The following ADK variants were observed in gnomAD, a reference collection of about 807,000 sequenced individuals.
ADK encodes the protein N6,N6-dimethyladenosine kinase.
A neutral mutation model predicts 44.7 loss-of-function variants in ADK; 24 were observed. The ratio of observed to expected loss-of-function variants is 0.54; its 90% CI spans 0.39 to 0.76. The LOEUF (loss-of-function observed/expected upper bound fraction) is 0.76, where lower values mean the gene tolerates loss of function less well. Among genes scored for constraint, ADK ranks in the 30% least tolerant of loss-of-function variants. The pLI is 0.00. For missense variants in ADK, 321 were observed against 425.1 expected, an observed-to-expected ratio of 0.76 and a Z score of 2.15; for synonymous variants, 128 against 142.6, an observed-to-expected ratio of 0.90 and a Z score of 0.73.
intron 7 of ADK, among the ~76,000 whole-genome samples, chr10:74,559,794 T>G (rs1389244895): frequency 1.3e-5 from 2 of 152,114 alleles, no homozygotes; most frequent in African/African-American, 2.4e-5. Context: ...TCTTAACTCC[T>G]TGTTTGCCTA....
intron 7 of ADK, among the ~76,000 whole-genome samples, chr10:74,552,518 G>A (rs777574249): frequency 1.8e-4 from 28 of 151,962 alleles, no homozygotes; most frequent in Non-Finnish European, 1.0e-4. Context: ...AAACTGGATT[G>A]TGGTGATGTT....
intron 2 of ADK, among the ~76,000 whole-genome samples, chr10:74,216,351 T>A (rs1039870114): frequency 3.9e-5 from 6 of 152,158 alleles, no homozygotes; most frequent in Admixed American, 2.0e-4. Context: ...TATTTTTTAT[T>A]TATTAAAAAA....
intron 9 of ADK, among the ~76,000 whole-genome samples, chr10:74,614,746 T>C (rs1852684886): frequency 6.6e-6 from 1 of 151,218 alleles, no homozygotes; most frequent in Non-Finnish European, 1.5e-5. Flanking sequence ...ACTTCAGTCC[T>C]ATAATCAACT....
At chr10:74,634,593 A>G (rs919159340) in intron 9 of ADK, among the ~76,000 whole-genome samples, 5 of 152,176 alleles carry the variant, frequency 3.3e-5, no homozygotes, top group African/African-American at 1.2e-4. Flanking sequence ...TATGACAAGG[A>G]GCAAACTTGA....
intron 6 of ADK, among the ~76,000 whole-genome samples, chr10:74,406,520 TAATAATAAGAAGAAGAAGAAG>T (rs1331376923): frequency 5.2e-4 from 30 of 57,648 alleles, no homozygotes; most frequent in African/African-American, 1.3e-3. Context: ...ATAATAATAA[TAATAATAAGAAGAAGAAGAAG>T]AAGAAGAAGA....
chr10:74,283,355 T>C (rs1487405061), intron 3 of ADK, among the ~76,000 whole-genome samples: 1 of 151,850 alleles, frequency 6.6e-6, no homozygotes, highest in Non-Finnish European at 1.5e-5. Context: ...AGTTTGACTT[T>C]ACTCTCTATA....
chr10:74,379,382 G>T (rs933241832), intron 4 of ADK, among the ~76,000 whole-genome samples: 1 of 152,152 alleles, frequency 6.6e-6, no homozygotes, highest in East Asian at 1.9e-4. Context: ...CACTGGTCTT[G>T]TTGCCTCTCC....
intron 6 of ADK, among the ~76,000 whole-genome samples, chr10:74,470,344 A>T (rs1397560248): frequency 6.6e-6 from 1 of 151,920 alleles, no homozygotes; most frequent in Non-Finnish European, 1.5e-5. Flanking sequence ...TTATACATTC[A>T]TCTGCTGATG....
In ADK at chr10:74,382,740, A is replaced by G. The variant is rs140561877; in HGVS notation, c.274-11401A>G. On this transcript the variant is annotated intron_variant, in intron 4 of 10. Transcript: ENST00000539909. ...TTAAATGAGTTTCTTGTTTAATTTG[A>G]TGAATTTGACTCAGTTCTGTAACCT... is the stretch of plus-strand genomic sequence containing the variant. Among the ~76,000 whole-genome samples the G allele has an allele frequency of 1.7e-4, 26 of 152,218 alleles. 1 individual carries two copies. In the East Asian group the frequency reaches 5.0e-3, roughly 29 times the overall value.
intron 4 of ADK, among the ~76,000 whole-genome samples, chr10:74,362,603 A>G (rs1448555878): frequency 2.6e-5 from 4 of 152,094 alleles, no homozygotes; most frequent in Non-Finnish European, 4.4e-5. Flanking sequence ...AATGTTCTCA[A>G]TGCTTTAGAA....
chr10:74,245,308 C>A (rs1845375781), intron 3 of ADK, among the ~76,000 whole-genome samples: 2 of 151,988 alleles, frequency 1.3e-5, no homozygotes, highest in South Asian at 4.1e-4. Context: ...TTAACATAAT[C>A]CTCATACATA....
intron 6 of ADK, among the ~76,000 whole-genome samples, chr10:74,504,766 A>C (rs1449631975): frequency 6.6e-6 from 1 of 152,004 alleles, no homozygotes; most frequent in Non-Finnish European, 1.5e-5. Flanking sequence ...TGTTAGTTTT[A>C]TAAGTGTTTG....
chr10:74,374,219 A>T (rs1209223891), intron 4 of ADK, among the ~76,000 whole-genome samples: 22 of 152,176 alleles, frequency 1.4e-4, no homozygotes, highest in Admixed American at 1.4e-3. Context: ...GGTGATGCCT[A>T]TACAACTCCA....
At chr10:74,528,009 A>G (rs544211370) in intron 7 of ADK, 4 of 828,322 alleles carry the variant, frequency 4.8e-6, no homozygotes, top group South Asian at 4.1e-5. Flanking sequence ...GAAAAAAGCG[A>G]TTGAGGGAAT....
intron 6 of ADK, among the ~76,000 whole-genome samples, chr10:74,453,924 A>T (rs1013586773): frequency 6.6e-6 from 1 of 152,168 alleles, no homozygotes; most frequent in Non-Finnish European, 1.5e-5. Context: ...CAAAAAGCAC[A>T]TAGTGTAAAC....
chr10:74,518,381 A>G (rs1848679627), intron 6 of ADK, among the ~76,000 whole-genome samples: 1 of 152,070 alleles, frequency 6.6e-6, no homozygotes, highest in Non-Finnish European at 1.5e-5. Context: ...TTTTTCTTCT[A>G]TAAATAGTGG....
chr10:74,210,761 G>A (rs1459621797), intron 2 of ADK, among the ~76,000 whole-genome samples: 1 of 151,406 alleles, frequency 6.6e-6, no homozygotes, highest in Non-Finnish European at 1.5e-5. Context: ...ACAAATGGGT[G>A]TATGTTAGCT....
chr10:74,259,736 C>T (rs540687585), intron 3 of ADK, among the ~76,000 whole-genome samples: 307 of 152,152 alleles, frequency 2.0e-3, no homozygotes, highest in Non-Finnish European at 2.2e-3. Context: ...GGATTACAGG[C>T]GTGAGCCACC....
chr10:74,423,185 A>G (rs546788517), intron 6 of ADK, among the ~76,000 whole-genome samples: 1 of 152,342 alleles, frequency 6.6e-6, no homozygotes, highest in East Asian at 1.9e-4. Flanking sequence ...GGAAATGGGA[A>G]GAGCAGAAAA....
Sources: allele counts gnomAD v4.1 joint callset (sites outside exome capture counted in the v4.1 genomes callset), GRCh38; gene constraint gnomAD v4.1.1; transcripts MANE v1.5; gene names NCBI Gene and HGNC (gene_info 2026-07-23, HGNC 2026-07-21).